Variants in IMMP2L observed in about 807,000 individuals in gnomAD.
IMMP2L encodes inner mitochondrial membrane peptidase subunit 2.
Under a neutral mutation model 19.3 loss-of-function variants are expected in IMMP2L, and 18 were observed. The observed-to-expected ratio is 0.93, with a 90% confidence interval of 0.64 to 1.38. IMMP2L has a LOEUF of 1.38. IMMP2L is among the 40% of genes most tolerant of loss of function. IMMP2L has a pLI of 0.00. For missense variants in IMMP2L, 233 were observed against 218.2 expected (o/e 1.07, Z -0.43); for synonymous variants, 76 against 73.0 (o/e 1.04, Z -0.21).
rs1262735861 is a variant in IMMP2L at position 111,281,265 on chromosome 7, G to GAA, written c.239+205972_239+205973insTT. On this transcript the variant is annotated intron_variant, in intron 3 of 5. Transcript: ENST00000405709. The stretch of plus-strand genomic sequence containing the variant: ...GAAAGAAGAGAGAGAGAGAAAGAGA[G>GAA]AGAGAAAGAAAGAGAAGGAAAGAAA... 4.7e-5 allele frequency among the ~76,000 whole-genome samples: 7 copies of GAA among 148,206 alleles called. No homozygotes were observed. The East Asian group carries it at 7.8e-4, about 17-fold the overall frequency.
At chr7:110,761,696 T>G (rs145534069) in intron 5 of IMMP2L, among the ~76,000 whole-genome samples, 2 of 152,340 alleles carry the variant, frequency 1.3e-5, no homozygotes, top group African/African-American at 4.8e-5. Context: ...AACTATCTTG[T>G]GAAGCAAATA....
chr7:111,044,840 TA>T lies in IMMP2L; in HGVS notation c.240-81276del, dbSNP rs1792238134. Among the ~76,000 whole-genome samples, 5 of 152,308 alleles carry T rather than the reference TA, an allele frequency of 3.3e-5. No homozygotes were observed. In the East Asian group the frequency reaches 7.7e-4, roughly 24 times the overall value. On this transcript the variant is annotated intron_variant, in intron 3 of 5. Transcript: ENST00000405709. ...TGACAATCTTTTTAAAGTTTACATA[TA>T]TAGACAGTGGGTAGTTGACAACTCT... is the stretch of plus-strand genomic sequence containing the variant.
intron 3 of IMMP2L, among the ~76,000 whole-genome samples, chr7:111,439,179 T>C (rs543118677): frequency 7.9e-5 from 12 of 151,994 alleles, no homozygotes; most frequent in Admixed American, 5.9e-4. Flanking sequence ...CTTGCTTAGC[T>C]ATTTCACTCA....
chr7:111,022,887 TTA>T (rs565072457), intron 3 of IMMP2L, among the ~76,000 whole-genome samples: 201 of 152,296 alleles, frequency 1.3e-3, no homozygotes, highest in Admixed American at 1.8e-3. Context: ...TTTCTTTTTT[TTA>T]TGGGAAAATG....
intron 3 of IMMP2L, among the ~76,000 whole-genome samples, chr7:111,010,710 G>A (rs146424463): frequency 1.3e-5 from 2 of 152,148 alleles, no homozygotes; most frequent in African/African-American, 4.8e-5. Flanking sequence ...AACAAGCTAG[G>A]TCCTCCATCC....
intron 3 of IMMP2L, among the ~76,000 whole-genome samples, chr7:111,459,166 A>G (rs1161875665): frequency 6.6e-6 from 1 of 152,144 alleles, no homozygotes; most frequent in Non-Finnish European, 1.5e-5. Flanking sequence ...CCTACTAGAC[A>G]TCTGTTTCTG....
At chr7:110,934,050 A>G (rs183974867) in intron 4 of IMMP2L, among the ~76,000 whole-genome samples, 3 of 152,092 alleles carry the variant, frequency 2.0e-5, no homozygotes, top group Admixed American at 1.3e-4. Flanking sequence ...CTTTGTTCTT[A>G]TTGGTTTCAA....
At chr7:110,941,735 T>C (rs1461821892) in intron 4 of IMMP2L, among the ~76,000 whole-genome samples, 1 of 152,174 alleles carries the variant, frequency 6.6e-6, no homozygotes, top group Non-Finnish European at 1.5e-5. Context: ...AAATCTAATA[T>C]TAAGTAATGT....
chr7:111,157,649 T>G (rs1232945689), intron 3 of IMMP2L, among the ~76,000 whole-genome samples: 3 of 152,042 alleles, frequency 2.0e-5, no homozygotes, highest in Admixed American at 2.0e-4. Context: ...TGAATAAGAT[T>G]TAGTATTTGA....
intron 3 of IMMP2L, among the ~76,000 whole-genome samples, chr7:111,307,496 G>A (rs1346577382): frequency 6.6e-6 from 1 of 151,310 alleles, no homozygotes; most frequent in African/African-American, 2.4e-5. Flanking sequence ...CCTCGCAGTA[G>A]GTAAAAATAT....
intron 3 of IMMP2L, among the ~76,000 whole-genome samples, chr7:111,156,632 T>G (rs553329560): frequency 6.6e-6 from 1 of 152,240 alleles, no homozygotes; most frequent in African/African-American, 2.4e-5. Flanking sequence ...CTTTGAAATG[T>G]GTGCACAGGT....
Position 111,123,064 on chromosome 7 carries a change from G to C in IMMP2L, c.240-159499C>G, listed in dbSNP as rs371746004. 6.2e-7 allele frequency: 1 copy of C among 1,613,590 alleles called. No individual in the cohort carries two copies. The highest frequency in any genetic ancestry group is 8.5e-7 in the Non-Finnish European group (1 of 1,179,940). On this transcript the variant is annotated intron_variant, in intron 3 of 5. Transcript: ENST00000405709. This position sits in a 1 kb window ranked among gnomAD's most constrained non-coding sequence, Gnocchi z 6.4. ...CTTTCCAGTAAACCTTACTGGCCTG[G>C]ATTTATCTCAAAACAATTTATCTTC...
intron 3 of IMMP2L, chr7:111,390,427 G>T (rs1226574213): frequency 6.6e-6 from 1 of 152,124 alleles, no homozygotes; most frequent in East Asian, 1.9e-4. Flanking sequence ...ACCTGCCACA[G>T]GACCTCTTTT....
chr7:111,368,979 A>G (rs1185423345), intron 3 of IMMP2L, among the ~76,000 whole-genome samples: 2 of 151,978 alleles, frequency 1.3e-5, no homozygotes, highest in Non-Finnish European at 2.9e-5. Context: ...TTATATTCAT[A>G]AAATATTATG....
chr7:111,029,610 T>C (rs1827194310), intron 3 of IMMP2L, among the ~76,000 whole-genome samples: 1 of 152,172 alleles, frequency 6.6e-6, no homozygotes, highest in Non-Finnish European at 1.5e-5. Flanking sequence ...CTACAGTCCA[T>C]TAGTGATGGT....
chr7:111,085,820 G>C (rs1372642765), intron 3 of IMMP2L, among the ~76,000 whole-genome samples: 2 of 152,132 alleles, frequency 1.3e-5, no homozygotes, highest in African/African-American at 4.8e-5. Context: ...AAAAGAACAA[G>C]ATCATGTCTG....
At chr7:111,531,593 T>C (rs1460665198) in intron 1 of IMMP2L, among the ~76,000 whole-genome samples, 1 of 152,152 alleles carries the variant, frequency 6.6e-6, no homozygotes, top group Non-Finnish European at 1.5e-5. Context: ...ATGATAACCA[T>C]TAGCACGGAG....
intron 3 of IMMP2L, among the ~76,000 whole-genome samples, chr7:111,276,242 T>G (rs959231110): frequency 6.6e-6 from 1 of 152,124 alleles, no homozygotes; most frequent in African/African-American, 2.4e-5. Flanking sequence ...CTGTAATGTA[T>G]CAGATTTACC....
intron 3 of IMMP2L, among the ~76,000 whole-genome samples, chr7:111,359,095 C>G (rs973326307): frequency 2.6e-5 from 4 of 152,122 alleles, no homozygotes; most frequent in African/African-American, 9.7e-5. Flanking sequence ...AGCCGATACA[C>G]TGGCATTACT....
Sources: allele counts gnomAD v4.1 joint callset (sites outside exome capture counted in the v4.1 genomes callset), GRCh38; gene constraint gnomAD v4.1.1; non-coding constraint Gnocchi (gnomAD v3.1); transcripts MANE v1.5; gene names NCBI Gene and HGNC (gene_info 2026-07-23, HGNC 2026-07-21).